IGF2BP2: variants seen among roughly 807,000 people sequenced by gnomAD.
IGF2BP2 encodes the protein insulin like growth factor 2 mRNA binding protein 2.
In IGF2BP2, 17 loss-of-function variants were observed where a neutral mutation model predicts 75.8. That is an observed-to-expected ratio of 0.22 (90% CI 0.15 to 0.34). The LOEUF is 0.34. IGF2BP2 is among the 10% of genes least tolerant of loss of function. The pLI is 1.00. For missense variants in IGF2BP2, 516 were observed against 772.4 expected (o/e 0.67, Z 3.93); for synonymous variants, 288 against 295.6 (o/e 0.97, Z 0.26).
chr3:185,686,292 G>A (rs938688052), intron 7 of IGF2BP2, among the ~76,000 whole-genome samples: 1 of 151,934 alleles, frequency 6.6e-6, no homozygotes, highest in South Asian at 2.1e-4. Flanking sequence ...GCTGAGGCAG[G>A]AGAATCACTT....
chr3:185,698,190 C>G, intron 3 of IGF2BP2, 109 bp downstream of exon 3: 1 of 908,226 alleles, frequency 1.1e-6, no homozygotes, highest in Non-Finnish European at 1.8e-6. Flanking sequence ...AGAGGCAGGA[C>G]CCAGAAGCTT....
At chr3:185,808,417 C>G (rs1560504333) in intron 2 of IGF2BP2, among the ~76,000 whole-genome samples, 1 of 152,032 alleles carries the variant, frequency 6.6e-6, no homozygotes, top group Non-Finnish European at 1.5e-5. Flanking sequence ...GAGGCAGAGG[C>G]TGTAGTGAGC....
chr3:185,697,294 C>T (rs1156434619), intron 3 of IGF2BP2, among the ~76,000 whole-genome samples: 1 of 152,096 alleles, frequency 6.6e-6, no homozygotes, highest in Non-Finnish European at 1.5e-5. Context: ...TTAGTAGAGA[C>T]GTGGTTTCAC....
intron 9 of IGF2BP2, chr3:185,675,009 CTT>C (rs777364824): frequency 0.16 from 17,599 of 109,820 alleles, 940 homozygotes; most frequent in Middle Eastern, 0.23. Context: ...TCTTGCTTTT[CTT>C]TTTTTTTTTT....
At chr3:185,818,450 C>T (rs2150051199) in intron 2 of IGF2BP2, among the ~76,000 whole-genome samples, 1 of 152,306 alleles carries the variant, frequency 6.6e-6, no homozygotes, top group East Asian at 1.9e-4. Context: ...CCCTTTGCCA[C>T]AGGTTTCAAT....
intron 5 of IGF2BP2, among the ~76,000 whole-genome samples, chr3:185,689,923 C>G (rs1198023458): frequency 1.3e-5 from 2 of 149,834 alleles, no homozygotes; most frequent in Non-Finnish European, 3.0e-5. Context: ...AGCCGAGATC[C>G]TGCCACTGCA....
chr3:185,774,796 C>G (rs1210875944), intron 2 of IGF2BP2, among the ~76,000 whole-genome samples: 1 of 151,820 alleles, frequency 6.6e-6, no homozygotes, highest in Non-Finnish European at 1.5e-5. Context: ...AAGGTCACGG[C>G]AGATCACAAG....
intron 2 of IGF2BP2, among the ~76,000 whole-genome samples, chr3:185,726,654 G>T (rs961069839): frequency 6.6e-6 from 1 of 152,178 alleles, no homozygotes; most frequent in Non-Finnish European, 1.5e-5. Context: ...CTGGGAGGTA[G>T]ATATTATCGT....
At chr3:185,736,944 T>C (rs936865907) in intron 2 of IGF2BP2, among the ~76,000 whole-genome samples, 3 of 152,214 alleles carry the variant, frequency 2.0e-5, no homozygotes, top group African/African-American at 7.2e-5. Context: ...TCCCCAAATC[T>C]AGGCAGAATA....
intron 10 of IGF2BP2, among the ~76,000 whole-genome samples, chr3:185,666,003 T>C (rs1169983880): frequency 5.7e-5 from 1 of 17,394 alleles, no homozygotes; most frequent in African/African-American, 1.4e-4. Flanking sequence ...GATAGGTACA[T>C]AGATAGATAG....
At chr3:185,657,991 T>C (rs1036493180) in intron 11 of IGF2BP2, among the ~76,000 whole-genome samples, 1 of 152,152 alleles carries the variant, frequency 6.6e-6, no homozygotes, top group African/African-American at 2.4e-5. Context: ...GCAAATGACA[T>C]TCTCATTTGC....
chr3:185,790,443 G>A (rs1485954091), intron 2 of IGF2BP2, among the ~76,000 whole-genome samples: 1 of 152,108 alleles, frequency 6.6e-6, no homozygotes, highest in African/African-American at 2.4e-5. Flanking sequence ...CACTAAGAAG[G>A]TAATCTCTTC....
chr3:185,649,703 G>A (rs1421190299), intron 13 of IGF2BP2, among the ~76,000 whole-genome samples, 169 bp from the exon 14 acceptor site: 1 of 152,226 alleles, frequency 6.6e-6, no homozygotes, highest in East Asian at 1.9e-4. Flanking sequence ...GACCTGGGGG[G>A]CGCTGCTCCC....
intron 2 of IGF2BP2, among the ~76,000 whole-genome samples, chr3:185,797,466 G>A (rs183310853): frequency 6.6e-6 from 1 of 152,346 alleles, no homozygotes; most frequent in East Asian, 1.9e-4. Context: ...CTAGAAAGCA[G>A]GACTAATGAT....
rs74674670 is a variant in IGF2BP2, at chr3:185,773,822, A to G, written c.239+49331T>C. 3.7e-4 allele frequency among the ~76,000 whole-genome samples: 57 copies of G among 152,296 alleles called. 1 individual carries two copies. Among genetic ancestry groups the G allele is most frequent in the African/African-American group, 1.3e-3 (55 of 41,562 alleles). ...TTTTCATTAGCTCAATTTTACTTGC[A>G]GTCTGAATACTCGTTTAAAAACAAG... On this transcript the variant is annotated intron_variant, in intron 2 of 15. Transcript: ENST00000382199.
intron 2 of IGF2BP2, among the ~76,000 whole-genome samples, chr3:185,750,264 G>A (rs1560408703): frequency 1.3e-5 from 2 of 152,156 alleles, no homozygotes; most frequent in Non-Finnish European, 2.9e-5. Context: ...CTGGAAAGCC[G>A]CATTGTGAAA....
chr3:185,689,532 T>C lies in IGF2BP2; in HGVS notation c.500A>G (p.Gln167Arg), dbSNP rs75254662. ...AGAGTGGTCCCCACGCTGGGCTCGCTGAGGGGGCGAAGGGGAGCTCACCTC... is the reference window on the plus strand; with the variant it reads ...AGAGTGGTCCCCACGCTGGGCTCGCCGAGGGGGCGAAGGGGAGCTCACCTC... ...DEEVSSPSPP[Q>R]RAQRGDHSSR... The change falls in exon 6 of 16, where the codon CAG (glutamine) becomes CGG (arginine). Residue 167 changes from glutamine (Q) to arginine (R), a missense_variant. By Grantham distance (43) the Gln-to-Arg change is conservative (BLOSUM62 1). This residue lies in a region of IGF2BP2 where 312 missense variants were observed against 474.5 expected (regional missense o/e 0.66). Transcript: ENST00000382199. 2 of 1,614,198 alleles carry C rather than the reference T, an allele frequency of 1.2e-6. No homozygotes were observed. Among genetic ancestry groups the C allele is most frequent in the Non-Finnish European group, 1.7e-6 (2 of 1,180,040 alleles).
chr3:185,672,977 G>A (rs1378591903), intron 9 of IGF2BP2, among the ~76,000 whole-genome samples: 1 of 152,172 alleles, frequency 6.6e-6, no homozygotes, highest in Non-Finnish European at 1.5e-5. Flanking sequence ...GGCCAGTCCT[G>A]TTTCCTAAAT....
At chr3:185,720,427 TGCGCCCGGCCCCTTTGGGAGCCACC>T (rs1313387551) in intron 2 of IGF2BP2, among the ~76,000 whole-genome samples, 4 of 152,268 alleles carry the variant, frequency 2.6e-5, no homozygotes, top group East Asian at 1.9e-4. Flanking sequence ...TCACCACAAC[TGCGCCCGGCCCCTTTGGGAGCCACC>T]GCGCCCGGCC....
Sources: allele counts gnomAD v4.1 joint callset (sites outside exome capture counted in the v4.1 genomes callset), GRCh38; gene constraint gnomAD v4.1.1; regional missense constraint gnomAD v4.1.1; transcripts MANE v1.5; gene names NCBI Gene and HGNC (gene_info 2026-07-23, HGNC 2026-07-21).